Variants in SUCLA2 observed in about 807,000 individuals in gnomAD.
SUCLA2 encodes succinate-CoA ligase ADP-forming subunit beta, also known as succinate--CoA ligase [ADP-forming] subunit beta, mitochondrial.
SUCLA2 carries 30 observed loss-of-function variants against 54.8 expected under a neutral mutation model. That is an observed-to-expected ratio of 0.55 (90% CI 0.41 to 0.74). The LOEUF (loss-of-function observed/expected upper bound fraction) is 0.74, where lower values mean the gene tolerates loss of function less well. Among genes scored for constraint, SUCLA2 ranks in the 30% least tolerant of loss-of-function variants. SUCLA2 has a pLI of 0.00. For synonymous variants in SUCLA2, 172 were observed against 188.9 expected, an observed-to-expected ratio of 0.91 and a Z score of 0.74; for missense variants, 476 against 562.9, an observed-to-expected ratio of 0.85 and a Z score of 1.56.
At chr13:47,970,547 T>C (rs528898878) in intron 5 of SUCLA2, among the ~76,000 whole-genome samples, 1 of 152,300 alleles carries the variant, frequency 6.6e-6, no homozygotes, top group East Asian at 1.9e-4. Flanking sequence ...TTTATCTCCT[T>C]AAAACTTTGT....
intron 6 of SUCLA2, among the ~76,000 whole-genome samples, chr13:47,955,848 TC>T (rs776186281): frequency 1.2e-4 from 18 of 152,234 alleles, no homozygotes; most frequent in Non-Finnish European, 2.6e-4. Context: ...TCCTTGCAGC[TC>T]CTGAAAAGAT....
chr13:47,987,433 T>A lies in SUCLA2; in HGVS notation c.534+1108A>T, dbSNP rs140497829. Among the ~76,000 whole-genome samples, 382 of 152,214 alleles carry A rather than the reference T, an allele frequency of 2.5e-3. 1 individual carries two copies. Among genetic ancestry groups the A allele is most frequent in the African/African-American group, 8.6e-3 (359 of 41,570 alleles). On this transcript the variant is annotated intron_variant, in intron 4 of 10. Coordinates refer to ENST00000646932, the MANE Select transcript of SUCLA2 (RefSeq NM_003850.3). The stretch of plus-strand genomic sequence containing the variant: ...AATAAGTGAATGTGTAAAAATATAA[T>A]TTATGTAAATTTTGGGTAATATATG...
At chr13:47,950,364 A>T (rs932132665) in intron 8 of SUCLA2, among the ~76,000 whole-genome samples, 1 of 151,980 alleles carries the variant, frequency 6.6e-6, no homozygotes, top group Non-Finnish European at 1.5e-5. Flanking sequence ...TCCCTATATA[A>T]ATTTAGTTTC....
At chr13:47,988,737 C>T (rs756503776) in intron 3 of SUCLA2, 34 bp from the exon 4 acceptor site, 18 of 1,611,738 alleles carry the variant, frequency 1.1e-5, no homozygotes, top group Admixed American at 6.7e-5. Context: ...ATTTTTCTTT[C>T]CTCCAGTTGA....
chr13:47,974,169 A>C (rs1337879641), intron 4 of SUCLA2, among the ~76,000 whole-genome samples: 1 of 152,180 alleles, frequency 6.6e-6, no homozygotes, highest in African/African-American at 2.4e-5. Flanking sequence ...TTTCATAAAA[A>C]CTGAGGGGAC....
At chr13:47,995,787 T>C (rs376203910) in intron 2 of SUCLA2, among the ~76,000 whole-genome samples, 6 of 152,310 alleles carry the variant, frequency 3.9e-5, no homozygotes, top group African/African-American at 1.2e-4. Flanking sequence ...CATCAGCTCA[T>C]GGTTTTCATG....
intron 6 of SUCLA2, among the ~76,000 whole-genome samples, chr13:47,961,406 T>C (rs762188681): frequency 3.9e-5 from 6 of 152,162 alleles, no homozygotes; most frequent in Middle Eastern, 3.2e-3. Context: ...ATGAATGACA[T>C]TTTACAGTGA....
chr13:47,995,799 T>C (rs1950186255), intron 2 of SUCLA2, among the ~76,000 whole-genome samples: 1 of 152,238 alleles, frequency 6.6e-6, no homozygotes, highest in East Asian at 1.9e-4. Flanking sequence ...GTTTTCATGC[T>C]AAATCTTTAA....
Position 47,988,589 on chromosome 13 carries a change from A to C in SUCLA2, c.486T>G (p.Tyr162Ter). 6.2e-7 allele frequency: 1 copy of C among 1,613,946 alleles called. No homozygotes were observed. The change falls in exon 4 of 11, where the codon TAT becomes TAG. Residue 162 changes from tyrosine (Y) to a stop codon, truncating the protein, a stop_gained. Transcript: ENST00000646932. LOFTEE classifies it high-confidence loss of function. ...TTGCAAAGTAGTATTCTCTCCTGGG[A>C]TATTTTCGCTCACAGACCAATACTT... ...CNQVLVCERK[Y>*]PRREYYFAIT...
intron 4 of SUCLA2, among the ~76,000 whole-genome samples, chr13:47,986,492 T>C (rs1316983879): frequency 1.3e-5 from 2 of 152,228 alleles, no homozygotes; most frequent in East Asian, 1.9e-4. Flanking sequence ...ATTCTGCAGG[T>C]TGTGTGTTCA....
chr13:47,956,499 C>T (rs1264133568), intron 6 of SUCLA2, among the ~76,000 whole-genome samples: 2 of 152,178 alleles, frequency 1.3e-5, no homozygotes, highest in Non-Finnish European at 2.9e-5. Flanking sequence ...AGCCAAGATT[C>T]TATATCCAGT....
intron 4 of SUCLA2, among the ~76,000 whole-genome samples, chr13:47,979,488 G>T (rs915885271): frequency 5.3e-5 from 8 of 152,102 alleles, no homozygotes; most frequent in Non-Finnish European, 1.0e-4. Context: ...GGCCTGTCGG[G>T]GGGTGGGGGG....
chr13:47,959,452 G>A (rs12561235), intron 6 of SUCLA2, among the ~76,000 whole-genome samples: 11,103 of 128,280 alleles, frequency 0.087, 665 homozygotes, highest in South Asian at 0.19. Flanking sequence ...GGAGGGGGAG[G>A]AGGAGAGGTG....
At chr13:47,958,673 C>G (rs1203642644) in intron 6 of SUCLA2, among the ~76,000 whole-genome samples, 1 of 152,078 alleles carries the variant, frequency 6.6e-6, no homozygotes, top group Non-Finnish European at 1.5e-5. Context: ...ACAAAATGAT[C>G]TTTGTGCAAA....
intron 5 of SUCLA2, among the ~76,000 whole-genome samples, chr13:47,972,668 T>TAAA: frequency 8.0e-6 from 1 of 125,500 alleles, no homozygotes; most frequent in South Asian, 2.5e-4. Context: ...GACTCCGTCT[T>TAAA]AAAAAAAAAA....
chr13:47,976,251 T>C (rs927465251), intron 4 of SUCLA2, among the ~76,000 whole-genome samples: 7 of 152,292 alleles, frequency 4.6e-5, no homozygotes, highest in African/African-American at 1.7e-4. Flanking sequence ...AAACCTTTTA[T>C]GACAATGACA....
At chr13:47,960,809 TG>T (rs1949864817) in intron 6 of SUCLA2, among the ~76,000 whole-genome samples, 3 of 152,196 alleles carry the variant, frequency 2.0e-5, no homozygotes, top group Admixed American at 2.0e-4. Flanking sequence ...GGTGTCGCAC[TG>T]GTTTGAAGAT....
At chr13:48,001,154 G>T in intron 1 of SUCLA2, 26 bp downstream of exon 1, 1 of 1,596,236 alleles carries the variant, frequency 6.3e-7, no homozygotes, top group Non-Finnish European at 8.5e-7. Context: ...CGACCCTCGA[G>T]ACGACAGCGG....
intron 10 of SUCLA2, chr13:47,946,032 CTA>C (rs1291305285): frequency 6.6e-6 from 1 of 152,216 alleles, no homozygotes; most frequent in African/African-American, 2.4e-5. Flanking sequence ...TAGCCTAACA[CTA>C]TGTCACAATG....
Sources: gnomAD v4.1 joint callset for allele counts (sites outside exome capture counted in the v4.1 genomes callset) on GRCh38, gnomAD v4.1.1 for gene constraint, MANE v1.5 for transcripts, NCBI Gene and HGNC (gene_info 2026-07-23, HGNC 2026-07-21) for gene names.